Variants in TANC2 observed in about 807,000 individuals in gnomAD.
TANC2 encodes the protein tetratricopeptide repeat, ankyrin repeat and coiled-coil containing 2.
A neutral mutation model predicts 210.5 loss-of-function variants in TANC2; 26 were observed. The observed-to-expected ratio is 0.12, with a 90% confidence interval of 0.09 to 0.17. The LOEUF (loss-of-function observed/expected upper bound fraction) is 0.17, where lower values mean the gene tolerates loss of function less well. TANC2 is among the 10% of genes least tolerant of loss of function. TANC2 has a pLI of 1.00. For missense variants in TANC2, 2,129 were observed against 2,608.9 expected (o/e 0.82, Z 4.01); for synonymous variants, 931 against 967.1 (o/e 0.96, Z 0.69).
At chr17:63,295,076 A>G (rs1369797229) in intron 9 of TANC2, among the ~76,000 whole-genome samples, 1 of 152,138 alleles carries the variant, frequency 6.6e-6, no homozygotes, top group African/African-American at 2.4e-5. Context: ...TCTTGTTCAT[A>G]TGTTCTAAAT....
intron 5 of TANC2, among the ~76,000 whole-genome samples, chr17:63,179,017 G>A (rs1450455683): frequency 6.6e-6 from 1 of 152,166 alleles, no homozygotes; most frequent in Non-Finnish European, 1.5e-5. Flanking sequence ...GCATCATCAA[G>A]AAAATAATGA....
intron 4 of TANC2, among the ~76,000 whole-genome samples, chr17:63,141,703 G>T (rs986048309): frequency 6.6e-6 from 1 of 151,872 alleles, no homozygotes; most frequent in African/African-American, 2.4e-5. Context: ...AAAGAAATAG[G>T]CCATCTATAA....
intron 2 of TANC2, among the ~76,000 whole-genome samples, chr17:63,063,089 A>G (rs1394592173): frequency 6.6e-6 from 1 of 152,244 alleles, no homozygotes; most frequent in Non-Finnish European, 1.5e-5. Context: ...AGAATGTCTC[A>G]TAGAACTCAG....
chr17:63,411,258 T>G (rs2048694675), intron 21 of TANC2, among the ~76,000 whole-genome samples: 1 of 152,104 alleles, frequency 6.6e-6, no homozygotes, highest in Admixed American at 6.5e-5. Context: ...AAAACAGGTA[T>G]AGAGAGTAAT....
intron 3 of TANC2, among the ~76,000 whole-genome samples, chr17:63,091,774 T>A (rs1037162554): frequency 2.0e-5 from 3 of 152,184 alleles, no homozygotes; most frequent in Non-Finnish European, 1.5e-5. Context: ...TTGATGGGGA[T>A]GGCATTGAAT....
intron 2 of TANC2, among the ~76,000 whole-genome samples, chr17:63,035,383 C>T (rs1437272039): frequency 6.6e-6 from 1 of 152,118 alleles, no homozygotes; most frequent in African/African-American, 2.4e-5. Context: ...TTGTGTGACT[C>T]GCTTTATTGC....
intron 5 of TANC2, chr17:63,152,803 G>C (rs574758217): frequency 6.6e-6 from 1 of 152,160 alleles, no homozygotes; most frequent in South Asian, 2.1e-4. Context: ...TGTCATGGGG[G>C]CCTAATCTTT....
At chr17:63,229,597 G>A (rs894791649) in intron 7 of TANC2, among the ~76,000 whole-genome samples, 19 of 148,626 alleles carry the variant, frequency 1.3e-4, no homozygotes, top group African/African-American at 4.7e-4. Context: ...TATTACTATA[G>A]GCTATTTATT....
chr17:63,194,994 A>T (rs549781689), intron 6 of TANC2, among the ~76,000 whole-genome samples: 3 of 152,158 alleles, frequency 2.0e-5, no homozygotes, highest in Non-Finnish European at 4.4e-5. Context: ...ATTAATTTTA[A>T]ATTGCATATT....
At chr17:63,199,819 G>A (rs886797559) in intron 6 of TANC2, among the ~76,000 whole-genome samples, 1 of 152,146 alleles carries the variant, frequency 6.6e-6, no homozygotes, top group Non-Finnish European at 1.5e-5. Context: ...ATAGCTTCAA[G>A]TGTAAGAATC....
chr17:63,277,798 CA>C (rs199788654), intron 9 of TANC2, among the ~76,000 whole-genome samples: 22,899 of 140,408 alleles, frequency 0.16, 2,027 homozygotes, highest in Non-Finnish European at 0.22. Flanking sequence ...ATTAATTCAG[CA>C]AAAAAAAAAA....
chr17:63,140,639 C>T (rs1254483013), intron 4 of TANC2, among the ~76,000 whole-genome samples: 1 of 152,216 alleles, frequency 6.6e-6, no homozygotes, highest in Non-Finnish European at 1.5e-5. Context: ...TTGGTGGGCA[C>T]TAGTAATGCC....
intron 7 of TANC2, among the ~76,000 whole-genome samples, chr17:63,225,264 T>A (rs1045950861): frequency 1.3e-5 from 2 of 152,216 alleles, no homozygotes; most frequent in Admixed American, 1.3e-4. Context: ...TTTGAAACTC[T>A]CTCTTGCCTG....
chr17:63,064,986 C>G (rs956431538), intron 2 of TANC2, among the ~76,000 whole-genome samples: 1 of 152,068 alleles, frequency 6.6e-6, no homozygotes. Flanking sequence ...TTCCGGCACC[C>G]ATTTCTCCTA....
intron 3 of TANC2, among the ~76,000 whole-genome samples, chr17:63,091,061 T>G (rs1431117847): frequency 2.0e-5 from 3 of 150,344 alleles, no homozygotes; most frequent in Admixed American, 1.3e-4. Flanking sequence ...GGTTGTTTGT[T>G]TTTTTTTTTT....
At chr17:63,217,075 G>A (rs1179258700) in intron 7 of TANC2, among the ~76,000 whole-genome samples, 2 of 152,158 alleles carry the variant, frequency 1.3e-5, no homozygotes, top group Non-Finnish European at 2.9e-5. Flanking sequence ...CTAAAGAAGA[G>A]CTTAGGAGGA....
At chr17:63,063,087 T>C (rs749138623) in intron 2 of TANC2, among the ~76,000 whole-genome samples, 10 of 152,210 alleles carry the variant, frequency 6.6e-5, no homozygotes, top group South Asian at 2.1e-4. Flanking sequence ...CTAGAATGTC[T>C]CATAGAACTC....
At chr17:63,007,805 A>G (rs2033687365) in intron 1 of TANC2, among the ~76,000 whole-genome samples, 1 of 152,068 alleles carries the variant, frequency 6.6e-6, no homozygotes, top group Admixed American at 6.6e-5. Flanking sequence ...TCATTTATTA[A>G]TACTTAAGAA....
At chr17:63,258,198 G>A (rs566650899) in intron 8 of TANC2, among the ~76,000 whole-genome samples, 1 of 151,520 alleles carries the variant, frequency 6.6e-6, no homozygotes, top group South Asian at 2.1e-4. Context: ...TGGCCTGTAA[G>A]GTTTCCACTG....
Sources: allele counts gnomAD v4.1 joint callset (sites outside exome capture counted in the v4.1 genomes callset), GRCh38; gene constraint gnomAD v4.1.1; transcripts MANE v1.5; gene names NCBI Gene and HGNC (gene_info 2026-07-23, HGNC 2026-07-21).